ADCY7: variants seen among roughly 807,000 people sequenced by gnomAD.
The protein encoded by ADCY7 is adenylate cyclase 7.
In ADCY7, 72 loss-of-function variants were observed where a neutral mutation model predicts 120.6. That is an observed-to-expected ratio of 0.60 (90% CI 0.49 to 0.73). The LOEUF is 0.73. ADCY7 is among the 30% of genes least tolerant of loss of function. The probability of loss-of-function intolerance (pLI) is 0.00; values close to 1 mark genes in which losing one functional copy is unlikely to be tolerated. For synonymous variants in ADCY7, 661 were observed against 628.0 expected (o/e 1.05, Z -0.78); for missense variants, 1,227 against 1,486.0 (o/e 0.83, Z 2.87).
chr16:50,314,579 A>G, intron 24 of ADCY7, 173 bp downstream of exon 24: 1 of 578,954 alleles, frequency 1.7e-6, no homozygotes, highest in Non-Finnish European at 3.1e-6. Context: ...TAGTTAGCAT[A>G]TAGTTACCAT....
intron 1 of ADCY7, among the ~76,000 whole-genome samples, chr16:50,273,171 GC>G (rs1482630293): frequency 1.3e-5 from 2 of 152,168 alleles, no homozygotes; most frequent in Non-Finnish European, 2.9e-5. Context: ...CTTGCTGTGT[GC>G]CCACATCTAC....
At chr16:50,299,652 T>C (rs1170717083) in intron 8 of ADCY7, among the ~76,000 whole-genome samples, 1 of 152,224 alleles carries the variant, frequency 6.6e-6, no homozygotes, top group Non-Finnish European at 1.5e-5. Flanking sequence ...TCTCCTGAAG[T>C]CCTGCCATAG....
intron 3 of ADCY7, 100 bp from the exon 4 acceptor site, chr16:50,291,636 A>AG: frequency 7.0e-7 from 1 of 1,428,418 alleles, no homozygotes; most frequent in Non-Finnish European, 9.7e-7. Context: ...AGCCAACCTA[A>AG]GGATACGCAC....
At position 50,311,759 on chromosome 16, in the gene ADCY7, C is replaced by T. The variant is rs780277343; in HGVS notation, c.2421C>T (p.Tyr807=). 4 of 1,464,600 alleles carry T rather than the reference C, an allele frequency of 2.7e-6. No homozygotes were observed. Among genetic ancestry groups the T allele is most frequent in the African/African-American group, 1.4e-5 (1 of 69,034 alleles). The allele number at this position is 1,464,600 out of a possible 1,614,324, so 90.7% of individuals were successfully genotyped here. A position where few individuals can be genotyped will look rare whatever the true frequency, so the allele number is the denominator to read the frequency against. Residue 807 remains tyrosine (Y), a synonymous_variant, in exon 20 of 26, where the codon TAC becomes TAT. Transcript: ENST00000673801. The part of the protein sequence containing the change: ...TMTNFYLVLF[Y]ITLLTLSRQI... ...CCAATTTCTACCTGGTCCTGTTCTA[C>T]ATCACCCTGCTTACACTCTCCAGAC...
At chr16:50,248,196 G>A (rs192656422) in intron 1 of ADCY7, among the ~76,000 whole-genome samples, 374 of 152,272 alleles carry the variant, frequency 2.5e-3, no homozygotes, top group Non-Finnish European at 4.4e-3. Context: ...GCCCGACCAC[G>A]GGCAGCACAC....
At chr16:50,290,762 T>C (rs985180673) in intron 3 of ADCY7, 102 bp downstream of exon 3, 19 of 1,309,730 alleles carry the variant, frequency 1.5e-5, no homozygotes, top group Non-Finnish European at 2.0e-5. Context: ...CGCTTGGCTG[T>C]GTGTCTAGGA....
chr16:50,265,039 G>A (rs756947157), upstream of ADCY7, among the ~76,000 whole-genome samples: 3 of 152,048 alleles, frequency 2.0e-5, no homozygotes, highest in Non-Finnish European at 4.4e-5. Context: ...ATTTTGCCAT[G>A]TTAGCCAGGC....
At position 50,317,853 on chromosome 16, in the gene ADCY7, AAATAATACCTAAGGT is replaced by A. The variant is rs1288130503; in HGVS notation, c.*2349_*2363del. On this transcript the variant is annotated 3_prime_UTR_variant, in exon 26 of 26. Coordinates refer to ENST00000673801, the MANE Select transcript of ADCY7 (RefSeq NM_001114.5). ...ATTTCTCCTGAGTTAACTTTTGTGA[AAATAATACCTAAGGT>A]TTTCTGGCTTATTGAGGAAATTTCC... 5.9e-5 allele frequency: 9 copies of A among 152,296 alleles called. No individual in the cohort carries two copies. Among genetic ancestry groups the A allele is most frequent in the African/African-American group, 2.2e-4 (9 of 41,454 alleles). The allele number at this position is 152,296 out of a possible 1,614,324, so 9.4% of individuals were successfully genotyped here.
upstream of ADCY7, among the ~76,000 whole-genome samples, chr16:50,263,877 C>G (rs1417074658): frequency 1.3e-5 from 2 of 152,180 alleles, no homozygotes; most frequent in Non-Finnish European, 2.9e-5. Context: ...AGCCTCTCGC[C>G]CACTGGGCCA....
chr16:50,308,827 T>A, intron 17 of ADCY7, 35 bp downstream of exon 17: 1 of 1,575,598 alleles, frequency 6.3e-7, no homozygotes, highest in Non-Finnish European at 8.6e-7. Flanking sequence ...GCCTCCGGGG[T>A]AGAGGGAGAC....
intron 1 of ADCY7, among the ~76,000 whole-genome samples, chr16:50,260,346 C>G (rs1339953313): frequency 1.3e-5 from 2 of 152,152 alleles, no homozygotes; most frequent in Non-Finnish European, 2.9e-5. Context: ...GTTCTTTGAG[C>G]TGCAAGTACC....
chr16:50,313,800 A>G (rs976929407), intron 22 of ADCY7, 158 bp from the exon 23 acceptor site: 28 of 620,824 alleles, frequency 4.5e-5, no homozygotes, highest in Non-Finnish European at 6.9e-5. Context: ...TGTCCTCACC[A>G]TGCTTAGTCA....
intron 1 of ADCY7, among the ~76,000 whole-genome samples, chr16:50,254,118 C>T (rs575733886): frequency 2.0e-5 from 3 of 152,276 alleles, no homozygotes; most frequent in African/African-American, 4.8e-5. Context: ...ACGACCCCTT[C>T]GCTGTGTGAG....
At chr16:50,258,595 A>T (rs1376484904) in intron 1 of ADCY7, among the ~76,000 whole-genome samples, 1 of 140,354 alleles carries the variant, frequency 7.1e-6, no homozygotes, top group African/African-American at 2.6e-5. Flanking sequence ...TTAAGGTAGT[A>T]TTTTTTTTTT....
At chr16:50,310,397 G>T (rs2036375842) in intron 18 of ADCY7, 1 of 1,470,196 alleles carries the variant, frequency 6.8e-7, no homozygotes, top group South Asian at 1.2e-5. Flanking sequence ...CAGGGAGGCA[G>T]CTTGGATGCA....
At chr16:50,290,383 C>A in intron 2 of ADCY7, 74 bp from the exon 3 acceptor site, 1 of 1,553,402 alleles carries the variant, frequency 6.4e-7, no homozygotes, top group Non-Finnish European at 8.8e-7. Flanking sequence ...GGCAGCCGGC[C>A]CGGCAGGCTT....
chr16:50,272,949 C>T (rs2033666580), intron 1 of ADCY7, among the ~76,000 whole-genome samples: 1 of 152,194 alleles, frequency 6.6e-6, no homozygotes, highest in Non-Finnish European at 1.5e-5. Context: ...GCTCCATCCC[C>T]TGGGGGCAGG....
intron 1 of ADCY7, among the ~76,000 whole-genome samples, chr16:50,285,301 G>C (rs1435671530): frequency 6.6e-6 from 1 of 152,208 alleles, no homozygotes; most frequent in Admixed American, 6.5e-5. Flanking sequence ...GAAGGGGATG[G>C]GGCCCCCAGC....
chr16:50,285,361 C>T (rs1567547887), intron 1 of ADCY7, among the ~76,000 whole-genome samples: 1 of 152,202 alleles, frequency 6.6e-6, no homozygotes, highest in Non-Finnish European at 1.5e-5. Flanking sequence ...CATTTTGTTC[C>T]TGGTGTGTGG....
Sources: allele counts gnomAD v4.1 joint callset (sites outside exome capture counted in the v4.1 genomes callset), GRCh38; gene constraint gnomAD v4.1.1; transcripts MANE v1.5; gene names NCBI Gene and HGNC (gene_info 2026-07-23, HGNC 2026-07-21).